ADAM32: variants seen among roughly 807,000 people sequenced by gnomAD.
ADAM32 encodes disintegrin and metalloproteinase domain-containing protein 32.
In ADAM32, 89 loss-of-function variants were observed where a neutral mutation model predicts 114.9. The observed-to-expected ratio is 0.77, with a 90% CI of 0.65 to 0.92. The LOEUF is 0.92. ADAM32 is among the 40% of genes least tolerant of loss of function. The pLI is 0.00. For missense variants in ADAM32, 870 were observed against 932.8 expected (o/e 0.93, Z 0.88); for synonymous variants, 285 against 307.5 (o/e 0.93, Z 0.77).
chr8:39,175,593 G>T (rs1805476320), intron 10 of ADAM32, among the ~76,000 whole-genome samples: 2 of 152,102 alleles, frequency 1.3e-5, no homozygotes, highest in South Asian at 4.1e-4. Context: ...ATTTTATTGA[G>T]GATTTTTGCA....
chr8:39,278,077 G>A (rs766126354), intron 22 of ADAM32, among the ~76,000 whole-genome samples: 6 of 152,146 alleles, frequency 3.9e-5, no homozygotes, highest in East Asian at 1.9e-4. Flanking sequence ...GGCTTTCAGC[G>A]GGAAGGGGAG....
At chr8:39,200,013 C>G (rs543181470) in intron 11 of ADAM32, among the ~76,000 whole-genome samples, 2 of 151,994 alleles carry the variant, frequency 1.3e-5, no homozygotes, top group Non-Finnish European at 2.9e-5. Context: ...TCTTAATCCA[C>G]TCTATCACTG....
In ADAM32 at chr8:39,223,242, A is replaced by G. The variant is rs763762602; in HGVS notation, c.1525+4A>G. 21 of 1,561,864 alleles carry G rather than the reference A, an allele frequency of 1.3e-5. No homozygotes were observed. The African/African-American group carries it at 2.2e-4, about 16-fold the overall frequency. On this transcript the variant is annotated splice_donor_region_variant and intron_variant, in intron 14 of 24. Coordinates refer to ENST00000379907, the MANE Select transcript of ADAM32 (RefSeq NM_145004.7). ...TGTGAGAGTGTATTTGGAAAAGGTA[A>G]TATCTTTTTGTTACATCTCAATAGC...
At chr8:39,157,428 A>T (rs1804210459) in intron 6 of ADAM32, 1 of 265,530 alleles carries the variant, frequency 3.8e-6, no homozygotes, top group South Asian at 4.6e-5. Context: ...TATGAGCTTG[A>T]TGGTGTCCCA....
chr8:39,154,885 G>GTTT (rs34798678), intron 6 of ADAM32, among the ~76,000 whole-genome samples: 6 of 148,122 alleles, frequency 4.1e-5, no homozygotes, highest in Non-Finnish European at 1.5e-5. Context: ...CTTTTTGATG[G>GTTT]TTTTTTTTTT....
At chr8:39,249,023 C>G (rs1165801807) in intron 17 of ADAM32, among the ~76,000 whole-genome samples, 1 of 151,858 alleles carries the variant, frequency 6.6e-6, no homozygotes, top group Non-Finnish European at 1.5e-5. Flanking sequence ...CTGCTTCAGC[C>G]TCCCGAGTAG....
At chr8:39,268,642 G>C (rs1265190683) in intron 19 of ADAM32, among the ~76,000 whole-genome samples, 1 of 151,934 alleles carries the variant, frequency 6.6e-6, no homozygotes. Flanking sequence ...TCATAATTTT[G>C]GTGCTGTAGC....
intron 20 of ADAM32, among the ~76,000 whole-genome samples, 169 bp from the exon 21 acceptor site, chr8:39,274,143 A>C (rs1199611619): frequency 6.6e-6 from 1 of 152,188 alleles, no homozygotes; most frequent in Non-Finnish European, 1.5e-5. Flanking sequence ...GTAGATGAAA[A>C]TGTTATTTAT....
chr8:39,216,449 GTCTT>G (rs1314111598), intron 12 of ADAM32, among the ~76,000 whole-genome samples: 5 of 151,628 alleles, frequency 3.3e-5, no homozygotes, highest in African/African-American at 1.2e-4. Context: ...TTTGTTATTT[GTCTT>G]TCTTCTTCCT....
intron 6 of ADAM32, chr8:39,157,734 AC>A: frequency 1.5e-6 from 2 of 1,350,460 alleles, no homozygotes; most frequent in Non-Finnish European, 2.1e-6. Flanking sequence ...TTCCCACCAC[AC>A]AGCACTTCAG....
At chr8:39,134,692 C>T (rs1027990870) in intron 2 of ADAM32, among the ~76,000 whole-genome samples, 1 of 152,126 alleles carries the variant, frequency 6.6e-6, no homozygotes, top group African/African-American at 2.4e-5. Flanking sequence ...AAAGATCTAC[C>T]TAAACTTCTG....
Position 39,246,164 on chromosome 8 carries a change from G to A in ADAM32, c.1900G>A (p.Gly634Arg), listed in dbSNP as rs150114293. The stretch of plus-strand genomic sequence containing the variant: ...TTGTTCACAACAGTGTTCTGGACAT[G>A]GAGTAAGTAACCACATGTTTCCCTG... ...HVCSQQCSGH[G>R]VCDSRNKCHC... Residue 634 changes from glycine (G) to arginine (R), a missense_variant and splice_region_variant, in exon 17 of 25, where the codon GGA becomes AGA. By Grantham distance (125) the Gly-to-Arg change is moderately radical. Transcript: ENST00000379907. 1,047 of 1,611,346 alleles carry A rather than the reference G, an allele frequency of 6.5e-4. 2 individuals carry two copies. The highest frequency in any genetic ancestry group is 1.1e-3 in the Admixed American group (66 of 59,748).
chr8:39,258,426 T>G (rs1811800674), intron 19 of ADAM32, among the ~76,000 whole-genome samples: 1 of 152,032 alleles, frequency 6.6e-6, no homozygotes, highest in Non-Finnish European at 1.5e-5. Flanking sequence ...TACTCTCCAG[T>G]TTTTAAATGA....
intron 16 of ADAM32, among the ~76,000 whole-genome samples, chr8:39,245,410 A>G (rs543146060): frequency 1.1e-4 from 16 of 152,310 alleles, no homozygotes; most frequent in African/African-American, 3.6e-4. Context: ...TAAAAATCTT[A>G]TTCGTGTAAC....
At chr8:39,195,424 G>A (rs774722270) in intron 11 of ADAM32, among the ~76,000 whole-genome samples, 1 of 152,040 alleles carries the variant, frequency 6.6e-6, no homozygotes, top group African/African-American at 2.4e-5. Flanking sequence ...CTGTACGTAA[G>A]TTTTTTAGTT....
intron 3 of ADAM32, among the ~76,000 whole-genome samples, chr8:39,145,016 C>T (rs1803413363): frequency 6.6e-6 from 1 of 152,062 alleles, no homozygotes; most frequent in South Asian, 2.1e-4. Context: ...CATTTCTATA[C>T]ATTAATAAGA....
At chr8:39,264,278 A>G (rs1231572071) in intron 19 of ADAM32, among the ~76,000 whole-genome samples, 2 of 152,154 alleles carry the variant, frequency 1.3e-5, no homozygotes, top group Admixed American at 6.5e-5. Context: ...TTCATGGTTC[A>G]ATCATGGTAG....
intron 24 of ADAM32, among the ~76,000 whole-genome samples, chr8:39,284,372 C>T (rs1338424042): frequency 6.9e-6 from 1 of 145,480 alleles, no homozygotes; most frequent in Admixed American, 6.7e-5. Context: ...CACACACACA[C>T]ACACGTACAC....
intron 23 of ADAM32, among the ~76,000 whole-genome samples, chr8:39,281,693 G>A (rs770951430): frequency 1.1e-4 from 16 of 152,132 alleles, no homozygotes; most frequent in Admixed American, 1.3e-4. Context: ...CTCTGAACTC[G>A]TTTAGAGAAG....
Sources: gnomAD v4.1 joint callset for allele counts (sites outside exome capture counted in the v4.1 genomes callset) on GRCh38, gnomAD v4.1.1 for gene constraint, MANE v1.5 for transcripts, NCBI Gene and HGNC (gene_info 2026-07-23, HGNC 2026-07-21) for gene names.